The following MGMT variants were observed in gnomAD, a reference collection of about 807,000 sequenced individuals.
The protein encoded by MGMT is O-6-methylguanine-DNA methyltransferase.
Under a neutral mutation model 15.9 loss-of-function variants are expected in MGMT, and 14 were observed. The observed-to-expected ratio is 0.88, with a 90% CI of 0.58 to 1.37. MGMT has a LOEUF of 1.37. Ranked by LOEUF, MGMT falls within the 40% of genes most tolerant of loss-of-function variation. MGMT has a pLI of 0.00. For missense variants in MGMT, 282 were observed against 268.1 expected, an observed-to-expected ratio of 1.05 and a Z score of -0.36; for synonymous variants, 130 against 118.2, an observed-to-expected ratio of 1.10 and a Z score of -0.65.
At chr10:129,550,619 G>A (rs1352216226) in intron 2 of MGMT, among the ~76,000 whole-genome samples, 4 of 152,132 alleles carry the variant, frequency 2.6e-5, no homozygotes, top group African/African-American at 9.6e-5. Context: ...GCTAATTTTT[G>A]TATTTTTAGT....
chr10:129,746,855 A>G (rs1267001190), intron 3 of MGMT, among the ~76,000 whole-genome samples: 1 of 152,204 alleles, frequency 6.6e-6, no homozygotes, highest in Non-Finnish European at 1.5e-5. Context: ...TAGAGTCAAC[A>G]TGTCTATCTG....
At chr10:129,625,281 T>G (rs910131525) in intron 2 of MGMT, among the ~76,000 whole-genome samples, 4 of 152,202 alleles carry the variant, frequency 2.6e-5, no homozygotes, top group African/African-American at 7.2e-5. Flanking sequence ...TTTTATCAAA[T>G]AGTTAAGGAA....
chr10:129,661,196 A>G (rs908644799), intron 2 of MGMT, among the ~76,000 whole-genome samples: 1 of 152,026 alleles, frequency 6.6e-6, no homozygotes, highest in African/African-American at 2.4e-5. Context: ...TTGAGTGGAA[A>G]TTTAGTTTAT....
intron 2 of MGMT, among the ~76,000 whole-genome samples, chr10:129,648,669 T>C (rs186500019): frequency 7.4e-4 from 112 of 152,356 alleles, no homozygotes; most frequent in Non-Finnish European, 1.3e-3. Context: ...CTTTTTTTCT[T>C]TTCTTTTTTC....
At chr10:129,493,660 T>TAGAGGGGTTTTA (rs1226423677) in intron 1 of MGMT, among the ~76,000 whole-genome samples, 1 of 152,156 alleles carries the variant, frequency 6.6e-6, no homozygotes, top group African/African-American at 2.4e-5. Context: ...TTCCATCAGT[T>TAGAGGGGTTTTA]AGAGGGGTTT....
In MGMT at chr10:129,633,896, A is replaced by C. The variant is rs1847237894; in HGVS notation, c.126-73999A>C. Among the ~76,000 whole-genome samples, 3 of 152,252 alleles carry C rather than the reference A, an allele frequency of 2.0e-5. No homozygotes were observed. The South Asian group carries it at 6.2e-4, about 32-fold the overall frequency. On this transcript the variant is annotated intron_variant, in intron 2 of 4. Transcript: ENST00000651593. ...TCTGCCGTTTTGTGACAGCAATCAT[A>C]GACAAAATGTAAATGAATTAATGCA... is the stretch of plus-strand genomic sequence containing the variant.
At chr10:129,638,441 AAAAAG>A (rs1236639075) in intron 2 of MGMT, among the ~76,000 whole-genome samples, 24 of 121,508 alleles carry the variant, frequency 2.0e-4, no homozygotes, top group East Asian at 4.1e-4. Flanking sequence ...AAAAAAAAAA[AAAAAG>A]AAAAAAAAAA....
At chr10:129,599,405 T>C (rs1480185832) in intron 2 of MGMT, among the ~76,000 whole-genome samples, 1 of 152,224 alleles carries the variant, frequency 6.6e-6, no homozygotes, top group Non-Finnish European at 1.5e-5. Flanking sequence ...CAAATGCAAA[T>C]GTGCTTGAAG....
intron 2 of MGMT, among the ~76,000 whole-genome samples, chr10:129,662,026 C>T (rs780023129): frequency 6.6e-6 from 1 of 152,112 alleles, no homozygotes; most frequent in Non-Finnish European, 1.5e-5. Flanking sequence ...TATTCCTGGG[C>T]CAGCTCTTCC....
intron 2 of MGMT, among the ~76,000 whole-genome samples, chr10:129,588,132 C>T (rs1020264455): frequency 2.0e-5 from 3 of 152,148 alleles, no homozygotes; most frequent in African/African-American, 7.2e-5. Context: ...GCCGGGGACT[C>T]ATGGCTAGAC....
At chr10:129,521,817 G>T (rs1157922419) in intron 1 of MGMT, among the ~76,000 whole-genome samples, 1 of 152,246 alleles carries the variant, frequency 6.6e-6, no homozygotes, top group East Asian at 1.9e-4. Context: ...GCTGAGGCCT[G>T]TGCAGCCTCC....
Position 129,758,811 on chromosome 10 carries a change from C to T in MGMT, c.275-391C>T, listed in dbSNP as rs546193677. 8.5e-5 allele frequency among the ~76,000 whole-genome samples: 13 copies of T among 152,266 alleles called. No homozygotes were observed. In the East Asian group the frequency reaches 2.5e-3, roughly 29 times the overall value. On this transcript the variant is annotated intron_variant, in intron 3 of 4. Transcript: ENST00000651593. ...TGTCCCAGTTGAAGTTGGAAATTAA[C>T]CAGCAGTACAAAAGATTTCCAAGCA...
chr10:129,544,932 C>T (rs376479706), intron 2 of MGMT, among the ~76,000 whole-genome samples: 3 of 152,170 alleles, frequency 2.0e-5, no homozygotes, highest in Non-Finnish European at 4.4e-5. Context: ...CCAGAAGAGG[C>T]GGCGTGGCCA....
intron 3 of MGMT, among the ~76,000 whole-genome samples, chr10:129,724,439 G>A (rs566783668): frequency 3.3e-5 from 5 of 152,242 alleles, no homozygotes; most frequent in South Asian, 2.1e-4. Flanking sequence ...AGACCATGAC[G>A]GCCATGGTCT....
chr10:129,529,568 A>G (rs1208095706), intron 1 of MGMT, among the ~76,000 whole-genome samples: 2 of 152,180 alleles, frequency 1.3e-5, no homozygotes, highest in African/African-American at 4.8e-5. Context: ...GGTTTAAGCC[A>G]TATCCACAGG....
intron 3 of MGMT, among the ~76,000 whole-genome samples, chr10:129,724,839 T>C (rs1848413685): frequency 6.6e-6 from 1 of 152,234 alleles, no homozygotes; most frequent in African/African-American, 2.4e-5. Flanking sequence ...ATATTATGGA[T>C]TTTTATTCCT....
intron 1 of MGMT, among the ~76,000 whole-genome samples, chr10:129,473,896 A>T (rs1006112936): frequency 1.3e-5 from 2 of 151,774 alleles, no homozygotes; most frequent in African/African-American, 4.8e-5. Flanking sequence ...GGGCCAGAGG[A>T]AAGATGGGAG....
intron 2 of MGMT, among the ~76,000 whole-genome samples, chr10:129,571,005 T>C (rs1248607199): frequency 6.6e-6 from 1 of 152,190 alleles, no homozygotes; most frequent in African/African-American, 2.4e-5. Context: ...AAATTTGTTT[T>C]AGATAATCTC....
At chr10:129,729,894 C>T (rs1439846689) in intron 3 of MGMT, among the ~76,000 whole-genome samples, 1 of 152,214 alleles carries the variant, frequency 6.6e-6, no homozygotes, top group African/African-American at 2.4e-5. Context: ...AGCAGTCAGA[C>T]CCACCCACCC....
Sources: gnomAD v4.1 joint callset for allele counts (sites outside exome capture counted in the v4.1 genomes callset) on GRCh38, gnomAD v4.1.1 for gene constraint, MANE v1.5 for transcripts, NCBI Gene and HGNC (gene_info 2026-07-23, HGNC 2026-07-21) for gene names.